Variants in ADAMTSL3 observed in about 807,000 individuals in gnomAD.
ADAMTSL3 encodes ADAMTS-like protein 3.
ADAMTSL3 carries 128 observed loss-of-function variants against 201.7 expected under a neutral mutation model. The ratio of observed to expected loss-of-function variants is 0.63; its 90% CI spans 0.55 to 0.73. The LOEUF (loss-of-function observed/expected upper bound fraction) is 0.73. Among genes scored for constraint, ADAMTSL3 ranks in the 30% least tolerant of loss-of-function variants. The probability of loss-of-function intolerance (pLI) is 0.00; values close to 1 mark genes in which losing one functional copy is unlikely to be tolerated. For missense variants in ADAMTSL3, 1,990 were observed against 2,119.6 expected (o/e 0.94, Z 1.20); for synonymous variants, 738 against 748.4 (o/e 0.99, Z 0.23).
At chr15:83,868,443 C>G (rs1034101932) in intron 8 of ADAMTSL3, among the ~76,000 whole-genome samples, 19 of 152,168 alleles carry the variant, frequency 1.2e-4, no homozygotes, top group African/African-American at 4.3e-4. Flanking sequence ...ATAAAAATGA[C>G]AACTTTTAAA....
chr15:83,787,655 A>G (rs968286037), intron 4 of ADAMTSL3, among the ~76,000 whole-genome samples: 2 of 152,094 alleles, frequency 1.3e-5, no homozygotes, highest in Admixed American at 6.6e-5. Flanking sequence ...ACTGTTAACA[A>G]TTCTATCTGA....
chr15:83,775,156 T>C (rs897597294), intron 4 of ADAMTSL3, among the ~76,000 whole-genome samples: 1 of 152,216 alleles, frequency 6.6e-6, no homozygotes. Context: ...AGGGGGCTTC[T>C]TATGTCAAGG....
intron 17 of ADAMTSL3, among the ~76,000 whole-genome samples, chr15:83,928,015 G>A (rs1460079983): frequency 6.7e-6 from 1 of 149,868 alleles, no homozygotes; most frequent in Non-Finnish European, 1.5e-5. Flanking sequence ...TCTCTCTGTT[G>A]CTCAGGCTGG....
At chr15:83,696,698 C>T (rs1329684330) in intron 2 of ADAMTSL3, among the ~76,000 whole-genome samples, 1 of 152,154 alleles carries the variant, frequency 6.6e-6, no homozygotes, top group East Asian at 1.9e-4. Context: ...TGCCATCAGC[C>T]TGGATAGGTA....
intron 3 of ADAMTSL3, among the ~76,000 whole-genome samples, chr15:83,718,917 G>A (rs1270836284): frequency 1.3e-5 from 2 of 151,994 alleles, no homozygotes; most frequent in African/African-American, 2.4e-5. Flanking sequence ...AATATCACTG[G>A]ATAACCAAAC....
chr15:83,689,116 C>T (rs1291867139), intron 2 of ADAMTSL3, among the ~76,000 whole-genome samples: 2 of 152,180 alleles, frequency 1.3e-5, no homozygotes, highest in Admixed American at 1.3e-4. Flanking sequence ...AGCCACTGCA[C>T]CTGGCCTAAA....
intron 19 of ADAMTSL3, among the ~76,000 whole-genome samples, chr15:83,953,511 T>C (rs1484462081): frequency 6.6e-6 from 1 of 152,196 alleles, no homozygotes; most frequent in Non-Finnish European, 1.5e-5. Flanking sequence ...AAAGTTGTTG[T>C]ATTTATTATT....
intron 22 of ADAMTSL3, among the ~76,000 whole-genome samples, chr15:83,990,743 T>G (rs1278010000): frequency 6.6e-6 from 1 of 152,228 alleles, no homozygotes; most frequent in Non-Finnish European, 1.5e-5. Context: ...TCTTTGCTTC[T>G]TATGAGCTTC....
chr15:83,655,637 C>T, intron 1 of ADAMTSL3, 92 bp from the exon 2 acceptor site: 1 of 884,450 alleles, frequency 1.1e-6, no homozygotes, highest in Non-Finnish European at 1.8e-6. Context: ...ATATGGGCTT[C>T]AGGGTCCCTC....
intron 2 of ADAMTSL3, among the ~76,000 whole-genome samples, chr15:83,676,337 T>C (rs1278770122): frequency 6.6e-6 from 1 of 152,226 alleles, no homozygotes; most frequent in Non-Finnish European, 1.5e-5. Flanking sequence ...TCCTTTGTGC[T>C]ATGTTCTCAA....
chr15:83,984,944 C>T (rs939964435), intron 21 of ADAMTSL3, among the ~76,000 whole-genome samples: 11 of 152,198 alleles, frequency 7.2e-5, no homozygotes, highest in Admixed American at 1.3e-4. Context: ...ATTGTGGATA[C>T]TCTTTAATTC....
intron 3 of ADAMTSL3, among the ~76,000 whole-genome samples, chr15:83,704,992 G>A (rs1343803463): frequency 6.6e-6 from 1 of 151,944 alleles, no homozygotes; most frequent in East Asian, 1.9e-4. Flanking sequence ...GTGTGTGTGT[G>A]TGTGTGTTGA....
chr15:83,746,568 A>G (rs919311045), intron 3 of ADAMTSL3, among the ~76,000 whole-genome samples: 9 of 152,152 alleles, frequency 5.9e-5, no homozygotes, highest in African/African-American at 1.9e-4. Flanking sequence ...ACTGCGGTCT[A>G]TTGCTCATGT....
At chr15:83,691,055 T>G (rs1351286629) in intron 2 of ADAMTSL3, among the ~76,000 whole-genome samples, 2 of 152,194 alleles carry the variant, frequency 1.3e-5, no homozygotes, top group East Asian at 3.8e-4. Context: ...AGTGTGGCTC[T>G]ATCTGAGGGC....
At chr15:83,903,569 G>A (rs977004829) in intron 15 of ADAMTSL3, among the ~76,000 whole-genome samples, 7 of 151,962 alleles carry the variant, frequency 4.6e-5, no homozygotes, top group Admixed American at 2.0e-4. Flanking sequence ...GGATCCGATC[G>A]TCCCTAAGGT....
chr15:83,678,833 T>A (rs2585062), intron 2 of ADAMTSL3, among the ~76,000 whole-genome samples: 28,970 of 144,496 alleles, frequency 0.2, 3,857 homozygotes, highest in Admixed American at 0.34. Context: ...TAAATATATA[T>A]AAATATATAT....
intron 3 of ADAMTSL3, among the ~76,000 whole-genome samples, chr15:83,772,180 C>T (rs566671411): frequency 6.6e-6 from 1 of 152,120 alleles, no homozygotes; most frequent in African/African-American, 2.4e-5. Flanking sequence ...GGTATTTATG[C>T]CACTAGATGA....
At chr15:83,827,934 T>C (rs977190407) in intron 6 of ADAMTSL3, among the ~76,000 whole-genome samples, 3 of 152,204 alleles carry the variant, frequency 2.0e-5, no homozygotes, top group Admixed American at 2.0e-4. Context: ...TGTAGTATAG[T>C]TTGAAGTCAG....
chr15:83,841,784 C>T (rs2064380312), intron 7 of ADAMTSL3, among the ~76,000 whole-genome samples: 1 of 151,848 alleles, frequency 6.6e-6, no homozygotes, highest in South Asian at 2.1e-4. Context: ...CCAAATGTTG[C>T]ATTTTCCAAG....
Sources: allele counts gnomAD v4.1 joint callset (sites outside exome capture counted in the v4.1 genomes callset), GRCh38; gene constraint gnomAD v4.1.1; transcripts MANE v1.5; gene names NCBI Gene and HGNC (gene_info 2026-07-23, HGNC 2026-07-21).